The following EPHA6 variants were observed in gnomAD, a reference collection of about 807,000 sequenced individuals.
EPHA6 encodes ephrin type-A receptor 6.
Under a neutral mutation model 112.0 loss-of-function variants are expected in EPHA6, and 50 were observed. The ratio of observed to expected loss-of-function variants is 0.45; its 90% CI spans 0.36 to 0.56. The LOEUF (loss-of-function observed/expected upper bound fraction) is 0.56. Ranked by LOEUF, EPHA6 falls within the 20% of genes least tolerant of loss-of-function variation. The pLI, the probability that EPHA6 is intolerant of heterozygous loss-of-function variation, is 0.00. For missense variants in EPHA6, 1,280 were observed against 1,417.4 expected (o/e 0.90, Z 1.56); for synonymous variants, 529 against 490.7 (o/e 1.08, Z -1.03).
At chr3:97,717,231 CAAAAAA>C (rs748817650) in intron 14 of EPHA6, among the ~76,000 whole-genome samples, 3 of 48,808 alleles carry the variant, frequency 6.1e-5, no homozygotes, top group African/African-American at 1.7e-4. Context: ...AACTCCATCT[CAAAAAA>C]AAAAAAAAAA....
chr3:97,328,042 C>CAT, intron 5 of EPHA6, among the ~76,000 whole-genome samples: 1 of 57,420 alleles, frequency 1.7e-5, no homozygotes, highest in African/African-American at 7.6e-5. Context: ...TATATATACA[C>CAT]ACATATATAC....
At chr3:97,388,016 T>A (rs1420740646) in intron 5 of EPHA6, among the ~76,000 whole-genome samples, 2 of 152,132 alleles carry the variant, frequency 1.3e-5, no homozygotes, top group African/African-American at 2.4e-5. Flanking sequence ...TCATGAGAAC[T>A]CATGCACAAT....
At chr3:97,551,986 A>T (rs1050069536) in intron 11 of EPHA6, among the ~76,000 whole-genome samples, 3 of 152,200 alleles carry the variant, frequency 2.0e-5, no homozygotes, top group African/African-American at 4.8e-5. Context: ...AAGAGGATAT[A>T]TAATTAATAT....
In EPHA6 at chr3:97,276,427, G is replaced by A. The variant is rs527505817; in HGVS notation, c.1606+32140G>A. On this transcript the variant is annotated intron_variant, in intron 5 of 17. Coordinates refer to ENST00000389672, the MANE Select transcript of EPHA6 (RefSeq NM_001080448.3). ...TGGGCATTCCTTGGCTCGGTGGCCA[G>A]ATTTCCAGTACTTGTAGCAAGCTCC... 5.3e-4 allele frequency among the ~76,000 whole-genome samples: 81 copies of A among 152,238 alleles called. 1 individual carries two copies. The East Asian group carries it at 0.014, about 26-fold the overall frequency.
intron 5 of EPHA6, among the ~76,000 whole-genome samples, chr3:97,264,788 C>G (rs1277496815): frequency 6.6e-6 from 1 of 152,152 alleles, no homozygotes; most frequent in Non-Finnish European, 1.5e-5. Context: ...GTGGGAAGCT[C>G]CCTCCATAAC....
rs761851589 is a variant in EPHA6 at position 97,748,752 on chromosome 3, A to G, written c.*51A>G. The G allele has an allele frequency of 3.2e-6, 3 of 931,114 alleles. No individual in the cohort carries two copies. The highest frequency in any genetic ancestry group is 5.3e-6 in the Non-Finnish European group (3 of 570,612). 57.7% of individuals were successfully genotyped at this position (931,114 alleles called of 1,614,324 possible). Reference sequence around the variant, plus strand: ...TGCCTCAGCATTTCTAAAATGAACGATATCCTCTCTACTACTCTCTCTTCT... The same window carrying G: ...TGCCTCAGCATTTCTAAAATGAACGGTATCCTCTCTACTACTCTCTCTTCT... On this transcript the variant is annotated 3_prime_UTR_variant, in exon 18 of 18. Coordinates refer to ENST00000389672, the MANE Select transcript of EPHA6 (RefSeq NM_001080448.3).
At chr3:97,513,714 G>A (rs1652136253) in intron 10 of EPHA6, among the ~76,000 whole-genome samples, 1 of 151,990 alleles carries the variant, frequency 6.6e-6, no homozygotes, top group African/African-American at 2.4e-5. Context: ...GTTGGTCAAT[G>A]GGTACAATGT....
At chr3:97,407,390 T>C (rs543033365) in intron 6 of EPHA6, among the ~76,000 whole-genome samples, 86 of 149,854 alleles carry the variant, frequency 5.7e-4, no homozygotes, top group Admixed American at 4.7e-3. Context: ...TTAAAATACC[T>C]CACCATAGAG....
At chr3:97,041,150 G>A (rs1416691022) in intron 3 of EPHA6, among the ~76,000 whole-genome samples, 1 of 152,036 alleles carries the variant, frequency 6.6e-6, no homozygotes, top group Admixed American at 6.6e-5. Flanking sequence ...CAAAAACAAC[G>A]AAATCAATTA....
At chr3:97,739,841 C>A (rs2107868855) in intron 16 of EPHA6, among the ~76,000 whole-genome samples, 1 of 152,228 alleles carries the variant, frequency 6.6e-6, no homozygotes, top group African/African-American at 2.4e-5. Context: ...GGCAGTTATC[C>A]TTTCATAAAT....
At chr3:97,265,654 C>T (rs2079654945) in intron 5 of EPHA6, among the ~76,000 whole-genome samples, 1 of 152,190 alleles carries the variant, frequency 6.6e-6, no homozygotes, top group Non-Finnish European at 1.5e-5. Flanking sequence ...GGGTCCTCTG[C>T]CTGGGAGGGT....
chr3:97,182,452 G>C (rs1346983026), intron 3 of EPHA6, among the ~76,000 whole-genome samples: 2 of 151,644 alleles, frequency 1.3e-5, no homozygotes, highest in Middle Eastern at 3.2e-3. Context: ...GGAATTTTTA[G>C]TTTTACAATG....
chr3:97,626,237 G>A (rs2093855529), intron 13 of EPHA6, among the ~76,000 whole-genome samples: 1 of 151,706 alleles, frequency 6.6e-6, no homozygotes, highest in African/African-American at 2.4e-5. Context: ...TGTTGGCCCA[G>A]TTATATGTGC....
chr3:96,990,511 GT>G (rs899188806), intron 3 of EPHA6, among the ~76,000 whole-genome samples: 2 of 151,788 alleles, frequency 1.3e-5, no homozygotes, highest in African/African-American at 2.4e-5. Context: ...AAAATCAGGT[GT>G]TTTTTTTAAA....
rs540071397 is a variant in EPHA6, at chr3:97,069,653, G to A, written c.1114+81660G>A. On this transcript the variant is annotated intron_variant, in intron 3 of 17. Coordinates refer to ENST00000389672, the MANE Select transcript of EPHA6 (RefSeq NM_001080448.3). ...AACAGCATCTGTATGGCAGTCTAAT[G>A]ATGTAGCATATAACAGCTGTAAACA... Among the ~76,000 whole-genome samples the A allele has an allele frequency of 2.0e-5, 3 of 152,238 alleles. No homozygotes were observed. The East Asian group carries it at 5.8e-4, about 29-fold the overall frequency.
At chr3:96,897,211 AACACACACACAC>A (rs57409609) in intron 2 of EPHA6, among the ~76,000 whole-genome samples, 21 of 143,334 alleles carry the variant, frequency 1.5e-4, no homozygotes, top group African/African-American at 4.7e-4. Context: ...TGTATATACA[AACACACACACAC>A]ACACACACAC....
chr3:97,220,358 A>G (rs2078157351), intron 3 of EPHA6, among the ~76,000 whole-genome samples: 1 of 152,176 alleles, frequency 6.6e-6, no homozygotes, highest in Non-Finnish European at 1.5e-5. Context: ...CACTTTTGGT[A>G]TCTTTATAAC....
intron 5 of EPHA6, among the ~76,000 whole-genome samples, chr3:97,311,734 G>T (rs1049720372): frequency 7.0e-6 from 1 of 141,988 alleles, no homozygotes; most frequent in South Asian, 2.2e-4. Flanking sequence ...TACAATCTTG[G>T]TTCTTCTTTT....
At chr3:97,346,659 G>A (rs1432415642) in intron 5 of EPHA6, among the ~76,000 whole-genome samples, 13 of 143,628 alleles carry the variant, frequency 9.1e-5, no homozygotes, top group Admixed American at 7.8e-4. Flanking sequence ...GTATACATCA[G>A]ATGTTCAATT....
Sources: allele counts gnomAD v4.1 joint callset (sites outside exome capture counted in the v4.1 genomes callset), GRCh38; gene constraint gnomAD v4.1.1; transcripts MANE v1.5; gene names NCBI Gene and HGNC (gene_info 2026-07-23, HGNC 2026-07-21).